Variants in VEZT observed in about 807,000 individuals in gnomAD.
VEZT encodes the protein vezatin.
A neutral mutation model predicts 79.9 loss-of-function variants in VEZT; 39 were observed. The observed-to-expected ratio is 0.49, with a 90% CI of 0.38 to 0.64. VEZT has a LOEUF of 0.64. Ranked by LOEUF, VEZT falls within the 30% of genes least tolerant of loss-of-function variation. The pLI is 0.00. For synonymous variants in VEZT, 325 were observed against 327.6 expected, an observed-to-expected ratio of 0.99 and a Z score of 0.09; for missense variants, 837 against 893.1, an observed-to-expected ratio of 0.94 and a Z score of 0.80.
chr12:95,286,168 CT>C (rs889810016), intron 8 of VEZT: 3 of 230,142 alleles, frequency 1.3e-5, no homozygotes, highest in African/African-American at 7.1e-5. Context: ...AATTTTTATA[CT>C]TTTGTAGAGA....
At chr12:95,289,129 TAAAA>T (rs1555292252) in intron 9 of VEZT, among the ~76,000 whole-genome samples, 1 of 141,500 alleles carries the variant, frequency 7.1e-6, no homozygotes, top group Non-Finnish European at 1.6e-5. Flanking sequence ...AATAAATAAA[TAAAA>T]AAGGCCAGGC....
chr12:95,274,682 T>G, intron 6 of VEZT, 60 bp from the exon 7 acceptor site: 4 of 1,538,804 alleles, frequency 2.6e-6, no homozygotes, highest in Non-Finnish European at 3.5e-6. Flanking sequence ...TAGGACAATT[T>G]CACTGTATCT....
intron 1 of VEZT, among the ~76,000 whole-genome samples, chr12:95,249,446 A>G (rs1476528976): frequency 2.6e-5 from 4 of 152,236 alleles, no homozygotes; most frequent in Non-Finnish European, 4.4e-5. Context: ...TTGAATATAC[A>G]TTATGGGTGA....
At chr12:95,260,809 C>T (rs572774197) in intron 3 of VEZT, among the ~76,000 whole-genome samples, 44 of 152,242 alleles carry the variant, frequency 2.9e-4, no homozygotes, top group East Asian at 5.8e-4. Flanking sequence ...CATGCCCCTG[C>T]GCTCCTTTTT....
chr12:95,264,869 CTTTT>C (rs71078693), intron 4 of VEZT, among the ~76,000 whole-genome samples: 2 of 113,328 alleles, frequency 1.8e-5, no homozygotes, highest in Non-Finnish European at 3.6e-5. Flanking sequence ...CTTTTCTTTT[CTTTT>C]TTTTTTTTTT....
chr12:95,251,994 T>C lies in VEZT; in HGVS notation c.91T>C (p.Cys31Arg). Reference protein sequence around the residue: ...QDLGHTDFEICSSLSPKTEKC... With the variant: ...QDLGHTDFEIRSSLSPKTEKC... ...TCTGGGACACACAGACTTTGAAATATGTTCTTCTTTGTCACCAAAAACAGA... is the reference window on the plus strand; with the variant it reads ...TCTGGGACACACAGACTTTGAAATACGTTCTTCTTTGTCACCAAAAACAGA... The change falls in exon 2 of 12, where the codon TGT becomes CGT. Residue 31 changes from cysteine (C) to arginine (R), a missense_variant. Cys to Arg is a radical substitution (Grantham distance 180). Transcript: ENST00000436874. 1 of 1,612,722 alleles carries C rather than the reference T, an allele frequency of 6.2e-7. No individual in the cohort carries two copies. Among genetic ancestry groups the C allele is most frequent in the Non-Finnish European group, 8.5e-7 (1 of 1,179,316 alleles).
chr12:95,241,398 A>C (rs964702259), intron 1 of VEZT, among the ~76,000 whole-genome samples: 1 of 152,068 alleles, frequency 6.6e-6, no homozygotes, highest in Non-Finnish European at 1.5e-5. Context: ...CCTTGACTCC[A>C]GGCTCAAGCA....
chr12:95,299,295 A>G (rs185516002), intron 11 of VEZT: 26 of 154,830 alleles, frequency 1.7e-4, no homozygotes, highest in Admixed American at 1.6e-3. Flanking sequence ...CATGCTTCAT[A>G]CTATATTGTA....
chr12:95,226,098 T>TAA (rs11309269), intron 1 of VEZT, among the ~76,000 whole-genome samples: 6 of 137,548 alleles, frequency 4.4e-5, no homozygotes, highest in African/African-American at 8.1e-5. Flanking sequence ...TGCCTTTATT[T>TAA]AAAAAAAAAA....
At chr12:95,265,017 C>T (rs1357142253) in intron 4 of VEZT, among the ~76,000 whole-genome samples, 1 of 151,788 alleles carries the variant, frequency 6.6e-6, no homozygotes, top group African/African-American at 2.4e-5. Context: ...CATGCAACCA[C>T]ACCCAGCTAA....
intron 2 of VEZT, among the ~76,000 whole-genome samples, chr12:95,254,674 T>C (rs2063188176): frequency 6.6e-6 from 1 of 152,148 alleles, no homozygotes; most frequent in African/African-American, 2.4e-5. Context: ...GAGAGCTAAA[T>C]TTTAGAAAAC....
intron 1 of VEZT, among the ~76,000 whole-genome samples, chr12:95,241,301 T>A (rs2060980039): frequency 1.3e-5 from 2 of 151,914 alleles, no homozygotes; most frequent in Admixed American, 1.3e-4. Context: ...CCTCCCAGAG[T>A]GCTGGGATTA....
At chr12:95,263,441 A>G (rs2064922095) in intron 4 of VEZT, among the ~76,000 whole-genome samples, 1 of 152,134 alleles carries the variant, frequency 6.6e-6, no homozygotes, top group South Asian at 2.1e-4. Context: ...CTTAAGGCCA[A>G]GAGTTTGAGA....
chr12:95,285,516 C>T (rs189770692), intron 8 of VEZT, among the ~76,000 whole-genome samples: 16 of 152,194 alleles, frequency 1.1e-4, no homozygotes, highest in Non-Finnish European at 1.9e-4. Context: ...TTTATCCATC[C>T]TTCAATGCTA....
At position 95,294,256 on chromosome 12, in the gene VEZT, T is replaced by C. The variant is rs1443757340; in HGVS notation, c.1523-16T>C. 4 of 1,559,726 alleles carry C rather than the reference T, an allele frequency of 2.6e-6. No homozygotes were observed. In the East Asian group the frequency reaches 9.4e-5, roughly 37 times the overall value. On this transcript the variant is annotated splice_polypyrimidine_tract_variant and intron_variant, in intron 9 of 11. Coordinates refer to ENST00000436874, the MANE Select transcript of VEZT (RefSeq NM_017599.4). The stretch of plus-strand genomic sequence containing the variant: ...TGTTTCTTATCTTTATTCCCATCTA[T>C]TCCCGTTTTTTAAAGGCAAGCCTGA...
chr12:95,279,337 T>C (rs1326116720), intron 7 of VEZT, among the ~76,000 whole-genome samples: 1 of 152,212 alleles, frequency 6.6e-6, no homozygotes, highest in African/African-American at 2.4e-5. Context: ...AATCAGTCCC[T>C]AGAACACAGT....
Position 95,301,873 on chromosome 12 carries a change from A to C in VEZT, c.*1200A>C, listed in dbSNP as rs1464460389. 1 of 152,162 alleles carries C rather than the reference A, an allele frequency of 6.6e-6. No individual in the cohort carries two copies. Among genetic ancestry groups the C allele is most frequent in the Non-Finnish European group, 1.5e-5 (1 of 68,010 alleles). The allele number at this position is 152,162 out of a possible 1,614,324, so 9.4% of individuals were successfully genotyped here. Reference sequence around the variant, plus strand: ...CAGTGAGTAAATTTACTTATACCAAAGGGGATTTTTTTTCTTTCAGGAATC... The same window carrying C: ...CAGTGAGTAAATTTACTTATACCAACGGGGATTTTTTTTCTTTCAGGAATC... On this transcript the variant is annotated 3_prime_UTR_variant, in exon 12 of 12. Coordinates refer to ENST00000436874, the MANE Select transcript of VEZT (RefSeq NM_017599.4).
chr12:95,241,801 GA>G (rs1403040516), intron 1 of VEZT, among the ~76,000 whole-genome samples: 3 of 152,064 alleles, frequency 2.0e-5, no homozygotes, highest in African/African-American at 7.2e-5. Flanking sequence ...TCACATAATT[GA>G]GAATAGTTTA....
At position 95,250,295 on chromosome 12, in the gene VEZT, A is replaced by AT. The variant is rs1186515287; in HGVS notation, c.37-1639dup. On this transcript the variant is annotated intron_variant, in intron 1 of 11. Transcript: ENST00000436874. ...TCAAGATTTATTATTTTTTTTTTTA[A>AT]TTTTTTAATTTTTTTTTTTTTTTGT... is the stretch of plus-strand genomic sequence containing the variant. Among the ~76,000 whole-genome samples the AT allele has an allele frequency of 1.1e-4, 13 of 117,688 alleles. No individual in the cohort carries two copies. The South Asian group carries it at 3.2e-3, about 29-fold the overall frequency. 77.2% of individuals were successfully genotyped at this position (117,688 alleles called of 152,430 possible).
Sources: allele counts gnomAD v4.1 joint callset (sites outside exome capture counted in the v4.1 genomes callset), GRCh38; gene constraint gnomAD v4.1.1; transcripts MANE v1.5; gene names NCBI Gene and HGNC (gene_info 2026-07-23, HGNC 2026-07-21).